The following PPDPFL variants were observed in gnomAD, a reference collection of about 807,000 sequenced individuals.
The protein encoded by PPDPFL is pancreatic progenitor cell differentiation and proliferation factor-like protein.
A neutral mutation model predicts 12.6 loss-of-function variants in PPDPFL; 12 were observed. The ratio of observed to expected loss-of-function variants is 0.95; its 90% CI spans 0.61 to 1.54. The LOEUF (loss-of-function observed/expected upper bound fraction) is 1.54, where lower values mean the gene tolerates loss of function less well. Among genes scored for constraint, PPDPFL ranks in the 40% most tolerant of loss-of-function variants. The pLI is 0.00. For synonymous variants in PPDPFL, 24 were observed against 32.7 expected, an observed-to-expected ratio of 0.73 and a Z score of 0.91; for missense variants, 114 against 96.0, an observed-to-expected ratio of 1.19 and a Z score of -0.78.
intron 1 of PPDPFL, among the ~76,000 whole-genome samples, chr8:49,062,568 G>T (rs1021109810): frequency 1.3e-5 from 2 of 152,128 alleles, no homozygotes; most frequent in Non-Finnish European, 1.5e-5. Flanking sequence ...TGTTTTTCAG[G>T]ACTGAGGTGC....
At chr8:49,055,302 C>CAGT (rs1476035733) in intron 1 of PPDPFL, among the ~76,000 whole-genome samples, 11 of 152,170 alleles carry the variant, frequency 7.2e-5, no homozygotes, top group African/African-American at 2.7e-4. Context: ...TCAAAGGTTT[C>CAGT]TGCACTGAGG....
intron 1 of PPDPFL, among the ~76,000 whole-genome samples, chr8:49,058,817 A>G (rs1345483230): frequency 6.6e-6 from 1 of 152,160 alleles, no homozygotes; most frequent in East Asian, 1.9e-4. Context: ...CTTGGCTGTC[A>G]TTGTGCATCT....
chr8:49,065,793 T>C (rs1390423223), intron 1 of PPDPFL, among the ~76,000 whole-genome samples: 2 of 152,172 alleles, frequency 1.3e-5, no homozygotes, highest in African/African-American at 2.4e-5. Flanking sequence ...ACATCAGCCT[T>C]TGCTCCTTGG....
In PPDPFL at chr8:49,075,969, C is replaced by G. The variant is rs1176649183; in HGVS notation, c.*796C>G. On this transcript the variant is annotated 3_prime_UTR_variant, in exon 5 of 5. Transcript: ENST00000522267. ...TACCAAAATGCTGACAGGGCTATTTCTGGAGATGGGATTATGGGCGTTTTT... is the reference window on the plus strand; with the variant it reads ...TACCAAAATGCTGACAGGGCTATTTGTGGAGATGGGATTATGGGCGTTTTT... The G allele has an allele frequency of 6.6e-6, 1 of 152,108 alleles. No homozygotes were observed. The highest frequency in any genetic ancestry group is 1.5e-5 in the Non-Finnish European group (1 of 68,018). 9.4% of individuals were successfully genotyped at this position (152,108 alleles called of 1,614,324 possible).
At chr8:49,059,255 G>C (rs549259196) in intron 1 of PPDPFL, among the ~76,000 whole-genome samples, 1 of 152,052 alleles carries the variant, frequency 6.6e-6, no homozygotes. Flanking sequence ...TGTGGGGTTG[G>C]GTGTGGAGGG....
chr8:49,054,705 C>T (rs962229978), intron 1 of PPDPFL, among the ~76,000 whole-genome samples: 1 of 142,226 alleles, frequency 7.0e-6, no homozygotes, highest in African/African-American at 2.5e-5. Context: ...TTTCTTTCTT[C>T]TTGATCACAG....
intron 1 of PPDPFL, 136 bp from the exon 2 acceptor site, chr8:49,072,651 T>G (rs1808412486): frequency 2.0e-6 from 1 of 487,858 alleles, no homozygotes; most frequent in African/African-American, 2.0e-5. Context: ...TGAACTTTTG[T>G]GTAAACATTT....
intron 1 of PPDPFL, among the ~76,000 whole-genome samples, chr8:49,062,029 C>G (rs1033830389): frequency 2.6e-5 from 4 of 152,236 alleles, no homozygotes; most frequent in Non-Finnish European, 4.4e-5. Flanking sequence ...GGATCTACAC[C>G]TATGTTCTAA....
chr8:49,075,237 T>G lies in PPDPFL; in HGVS notation c.*64T>G. 1 of 1,614,030 alleles carries G rather than the reference T, an allele frequency of 6.2e-7. No individual in the cohort carries two copies. Among genetic ancestry groups the G allele is most frequent in the Non-Finnish European group, 8.5e-7 (1 of 1,179,876 alleles). On this transcript the variant is annotated 3_prime_UTR_variant, in exon 5 of 5. Transcript: ENST00000522267. ...TAACGGTTGCCTGCCTTATGTAGCA[T>G]GAACAGTTGATTCTGACAATCAAGA...
At chr8:49,071,081 GT>G (rs1270487096), upstream of PPDPFL, among the ~76,000 whole-genome samples, 13 of 152,128 alleles carry the variant, frequency 8.5e-5, no homozygotes, top group Admixed American at 8.5e-4. Flanking sequence ...GTCTGTTTCA[GT>G]TTTTTAGATT....
At chr8:49,069,925 C>T (rs762493558), upstream of PPDPFL, among the ~76,000 whole-genome samples, 2 of 152,152 alleles carry the variant, frequency 1.3e-5, no homozygotes, top group African/African-American at 2.4e-5. Flanking sequence ...CGGAGGGAGA[C>T]TCCATCTCAA....
chr8:49,068,771 A>C (rs1027923115), upstream of PPDPFL, among the ~76,000 whole-genome samples: 3 of 152,192 alleles, frequency 2.0e-5, no homozygotes, highest in Admixed American at 2.0e-4. Flanking sequence ...TAAAGGATAA[A>C]TTAACTAAAT....
At chr8:49,069,708 G>A (rs780745264), upstream of PPDPFL, among the ~76,000 whole-genome samples, 6 of 152,230 alleles carry the variant, frequency 3.9e-5, no homozygotes, top group South Asian at 8.3e-4. Flanking sequence ...AGGCCAAGGC[G>A]GGCAGATCAC....
chr8:49,064,877 G>A (rs1325678514), intron 1 of PPDPFL, among the ~76,000 whole-genome samples: 1 of 152,156 alleles, frequency 6.6e-6, no homozygotes, highest in Non-Finnish European at 1.5e-5. Context: ...GACATGAAAA[G>A]CAATCAAAAT....
At chr8:49,070,434 T>TA (rs1225069458), upstream of PPDPFL, among the ~76,000 whole-genome samples, 1 of 152,236 alleles carries the variant, frequency 6.6e-6, no homozygotes, top group Non-Finnish European at 1.5e-5. Flanking sequence ...GAAGCATTCC[T>TA]AAACACTCAA....
rs117155588 is a variant in PPDPFL at position 49,058,991 on chromosome 8, C to T, written c.-45+4622C>T. The stretch of plus-strand genomic sequence containing the variant: ...TGCTTGGAACAGTATATTGCACAGT[C>T]GGAGTGGTCTGTAACTGTTGACTGA... On this transcript the variant is annotated intron_variant, in intron 1 of 4. Coordinates refer to the PPDPFL transcript ENST00000517663. Among the ~76,000 whole-genome samples the T allele has an allele frequency of 8.7e-3, 1,320 of 152,298 alleles. 10 individuals are homozygous for T. The highest frequency in any genetic ancestry group is 0.014 in the Non-Finnish European group (985 of 68,026).
chr8:49,073,947 C>A, intron 2 of PPDPFL, 112 bp from the exon 3 acceptor site: 1 of 700,702 alleles, frequency 1.4e-6, no homozygotes, highest in Non-Finnish European at 2.4e-6. Flanking sequence ...ATTCACAAGC[C>A]AGGAATAAAT....
intron 2 of PPDPFL, among the ~76,000 whole-genome samples, chr8:49,073,758 T>C (rs1808436831): frequency 6.6e-6 from 1 of 152,226 alleles, no homozygotes; most frequent in Non-Finnish European, 1.5e-5. Context: ...TTGGTCTTGT[T>C]CTTTCTTAGT....
chr8:49,075,230 T>C lies in PPDPFL; in HGVS notation c.*57T>C, dbSNP rs138023033. On this transcript the variant is annotated 3_prime_UTR_variant, in exon 5 of 5. Coordinates refer to ENST00000522267, the MANE Select transcript of PPDPFL (RefSeq NM_001256597.2). ...ATGTTGGTAACGGTTGCCTGCCTTA[T>C]GTAGCATGAACAGTTGATTCTGACA... 162 of 1,614,040 alleles carry C rather than the reference T, an allele frequency of 1.0e-4. No homozygotes were observed. The East Asian group carries it at 2.1e-3, about 21-fold the overall frequency.
Sources: gnomAD v4.1 joint callset for allele counts (sites outside exome capture counted in the v4.1 genomes callset) on GRCh38, gnomAD v4.1.1 for gene constraint, MANE v1.5 for transcripts, NCBI Gene and HGNC (gene_info 2026-07-23, HGNC 2026-07-21) for gene names.